INPP4B: variants seen among roughly 807,000 people sequenced by gnomAD.
INPP4B encodes the protein inositol polyphosphate-4-phosphatase type II B, also known as inositol polyphosphate 4-phosphatase type II.
Under a neutral mutation model 122.5 loss-of-function variants are expected in INPP4B, and 55 were observed. That is an observed-to-expected ratio of 0.45 (90% CI 0.36 to 0.56). The LOEUF is 0.56. Among genes scored for constraint, INPP4B ranks in the 20% least tolerant of loss-of-function variants. INPP4B has a pLI of 0.00. For synonymous variants in INPP4B, 403 were observed against 388.7 expected (o/e 1.04, Z -0.43); for missense variants, 1,000 against 1,097.7 (o/e 0.91, Z 1.26).
At chr4:142,387,048 T>A (rs1034043959) in intron 7 of INPP4B, among the ~76,000 whole-genome samples, 1 of 152,130 alleles carries the variant, frequency 6.6e-6, no homozygotes, top group African/African-American at 2.4e-5. Flanking sequence ...CCAAACTGGG[T>A]TTGACAGTTG....
intron 24 of INPP4B, among the ~76,000 whole-genome samples, 200 bp from the exon 25 acceptor site, chr4:142,082,385 A>C (rs890834458): frequency 1.3e-5 from 2 of 152,174 alleles, no homozygotes; most frequent in Non-Finnish European, 2.9e-5. Context: ...AATGGACCCA[A>C]TTTATTTCTT....
At chr4:142,731,050 G>C (rs1766010117) in intron 1 of INPP4B, among the ~76,000 whole-genome samples, 1 of 151,966 alleles carries the variant, frequency 6.6e-6, no homozygotes, top group Admixed American at 6.6e-5. Context: ...GTGCCATGCT[G>C]GTTTGCTGCA....
At chr4:142,467,532 T>C (rs971060722) in intron 2 of INPP4B, among the ~76,000 whole-genome samples, 2 of 152,004 alleles carry the variant, frequency 1.3e-5, no homozygotes, top group Non-Finnish European at 2.9e-5. Flanking sequence ...TAACTAGTTT[T>C]TTTTTTGTTT....
intron 9 of INPP4B, among the ~76,000 whole-genome samples, chr4:142,277,887 A>G (rs879191166): frequency 6.6e-6 from 1 of 151,886 alleles, no homozygotes; most frequent in Admixed American, 6.6e-5. Flanking sequence ...GAATGGTACA[A>G]TGGACTTTAG....
At chr4:142,811,347 T>C (rs914166019) in intron 1 of INPP4B, among the ~76,000 whole-genome samples, 18 of 152,220 alleles carry the variant, frequency 1.2e-4, no homozygotes, top group African/African-American at 4.1e-4. Context: ...TCAGTCTTCC[T>C]GGGCTCCAGC....
At chr4:142,349,004 C>T (rs912116199) in intron 7 of INPP4B, among the ~76,000 whole-genome samples, 1 of 151,974 alleles carries the variant, frequency 6.6e-6, no homozygotes, top group Non-Finnish European at 1.5e-5. Flanking sequence ...AGTATTTTTA[C>T]ACTCCTTTGG....
chr4:142,387,215 T>C (rs1156657629), intron 7 of INPP4B, among the ~76,000 whole-genome samples: 7 of 152,112 alleles, frequency 4.6e-5, no homozygotes, highest in African/African-American at 1.7e-4. Context: ...TAAAAATTCG[T>C]GGGGATTTTT....
intron 17 of INPP4B, 54 bp from the exon 18 acceptor site, chr4:142,146,050 C>A (rs1274700110): frequency 6.4e-7 from 1 of 1,563,304 alleles, no homozygotes; most frequent in African/African-American, 1.4e-5. Flanking sequence ...CAAGATAAGG[C>A]AAAGTCGGAT....
At chr4:142,631,825 T>C (rs1450108430) in intron 2 of INPP4B, among the ~76,000 whole-genome samples, 1 of 152,104 alleles carries the variant, frequency 6.6e-6, no homozygotes, top group Non-Finnish European at 1.5e-5. Flanking sequence ...TCTACCAAAA[T>C]ACAATATTCT....
intron 25 of INPP4B, chr4:142,029,930 T>G: frequency 7.8e-7 from 1 of 1,274,990 alleles, no homozygotes; most frequent in Non-Finnish European, 9.9e-7. Context: ...GAAACACCTT[T>G]CCATGAACAA....
chr4:142,363,359 G>A (rs1266736964), intron 7 of INPP4B, among the ~76,000 whole-genome samples: 1 of 151,822 alleles, frequency 6.6e-6, no homozygotes, highest in Non-Finnish European at 1.5e-5. Flanking sequence ...ATATGTGTGT[G>A]TGTATACACA....
At chr4:142,383,053 A>T (rs951107375) in intron 7 of INPP4B, among the ~76,000 whole-genome samples, 4 of 152,036 alleles carry the variant, frequency 2.6e-5, no homozygotes, top group Admixed American at 6.6e-5. Flanking sequence ...CTTAGCAATG[A>T]GTTTTCTCCT....
chr4:142,049,069 C>A (rs559061231), intron 25 of INPP4B, among the ~76,000 whole-genome samples: 2 of 152,012 alleles, frequency 1.3e-5, no homozygotes, highest in East Asian at 3.9e-4. Flanking sequence ...AGCTGGCTTA[C>A]TGCACTCATG....
At chr4:142,182,999 G>T (rs1343676505) in intron 15 of INPP4B, among the ~76,000 whole-genome samples, 3 of 152,154 alleles carry the variant, frequency 2.0e-5, no homozygotes, top group Admixed American at 2.0e-4. Context: ...AGGGTGAACT[G>T]CCAGGAGCTG....
chr4:142,110,163 G>C (rs1378135903), intron 22 of INPP4B, among the ~76,000 whole-genome samples: 2 of 152,100 alleles, frequency 1.3e-5, no homozygotes, highest in Non-Finnish European at 2.9e-5. Flanking sequence ...GTGCCTCTAA[G>C]GGGTAATTAA....
chr4:142,521,989 T>C (rs1398410802), intron 2 of INPP4B, among the ~76,000 whole-genome samples: 1 of 152,114 alleles, frequency 6.6e-6, no homozygotes, highest in African/African-American at 2.4e-5. Context: ...TTCATCCTAA[T>C]ATCTGTATCA....
chr4:142,526,084 TA>T (rs1560758371), intron 2 of INPP4B, among the ~76,000 whole-genome samples: 6 of 152,032 alleles, frequency 3.9e-5, no homozygotes, highest in African/African-American at 1.4e-4. Context: ...TAAATGAAAG[TA>T]ATAATAGCCT....
At chr4:142,218,137 C>T (rs1421862489) in intron 12 of INPP4B, among the ~76,000 whole-genome samples, 1 of 151,944 alleles carries the variant, frequency 6.6e-6, no homozygotes, top group Non-Finnish European at 1.5e-5. Flanking sequence ...TTTCTCTCTG[C>T]TTAGTGCATA....
At chr4:142,078,459 G>A (rs1297488152) in intron 25 of INPP4B, among the ~76,000 whole-genome samples, 2 of 151,842 alleles carry the variant, frequency 1.3e-5, no homozygotes, top group Admixed American at 6.6e-5. Context: ...TGTCATTCAC[G>A]TATTCCTTTA....
Sources: allele counts gnomAD v4.1 joint callset (sites outside exome capture counted in the v4.1 genomes callset), GRCh38; gene constraint gnomAD v4.1.1; transcripts MANE v1.5; gene names NCBI Gene and HGNC (gene_info 2026-07-23, HGNC 2026-07-21).